The following SYNDIG1 variants were observed in gnomAD, a reference collection of about 807,000 sequenced individuals.
SYNDIG1 encodes the protein synapse differentiation-inducing gene protein 1.
In SYNDIG1, 9 loss-of-function variants were observed where a neutral mutation model predicts 19.4. The observed-to-expected ratio is 0.46, with a 90% confidence interval of 0.28 to 0.81. The LOEUF is 0.81. Ranked by LOEUF, SYNDIG1 falls within the 30% of genes least tolerant of loss-of-function variation. The pLI, the probability that SYNDIG1 is intolerant of heterozygous loss-of-function variation, is 0.12. For missense variants in SYNDIG1, 311 were observed against 343.3 expected, an observed-to-expected ratio of 0.91 and a Z score of 0.74; for synonymous variants, 141 against 145.9, an observed-to-expected ratio of 0.97 and a Z score of 0.24.
chr20:24,586,964 G>A (rs2058427886), intron 3 of SYNDIG1, among the ~76,000 whole-genome samples: 1 of 152,214 alleles, frequency 6.6e-6, no homozygotes, highest in African/African-American at 2.4e-5. Context: ...GGCTACAACT[G>A]CAGAGACTGT....
chr20:24,646,626 A>ATT (rs780443485), intron 3 of SYNDIG1, among the ~76,000 whole-genome samples: 5 of 145,992 alleles, frequency 3.4e-5, no homozygotes, highest in East Asian at 2.0e-4. Context: ...GATGCTCAGT[A>ATT]TTTTTTTTTT....
chr20:24,654,382 G>A (rs1217079109), intron 3 of SYNDIG1, among the ~76,000 whole-genome samples: 1 of 151,992 alleles, frequency 6.6e-6, no homozygotes, highest in Non-Finnish European at 1.5e-5. Flanking sequence ...AGAGAGATAA[G>A]GAATGAAATC....
chr20:24,538,278 C>T (rs529417484), intron 1 of SYNDIG1, among the ~76,000 whole-genome samples: 66 of 152,162 alleles, frequency 4.3e-4, no homozygotes, highest in Non-Finnish European at 7.5e-4. Flanking sequence ...ACTCCCATCC[C>T]CTGGAAACCA....
chr20:24,533,208 T>C (rs1299757096), intron 1 of SYNDIG1, among the ~76,000 whole-genome samples: 1 of 152,054 alleles, frequency 6.6e-6, no homozygotes, highest in Non-Finnish European at 1.5e-5. Context: ...GAATTAACTG[T>C]CCTGGCCTTT....
At chr20:24,665,240 C>A in intron 3 of SYNDIG1, 106 bp from the exon 4 acceptor site, 1 of 1,369,598 alleles carries the variant, frequency 7.3e-7, no homozygotes, top group Non-Finnish European at 1.0e-6. Context: ...GCCTTCTCTG[C>A]ATCAACAATG....
At chr20:24,538,489 G>T (rs1397853998) in intron 1 of SYNDIG1, among the ~76,000 whole-genome samples, 1 of 151,576 alleles carries the variant, frequency 6.6e-6, no homozygotes, top group East Asian at 1.9e-4. Context: ...AGCACATTTT[G>T]CTTATCCATT....
At chr20:24,556,721 C>T in intron 2 of SYNDIG1, among the ~76,000 whole-genome samples, 1 of 152,216 alleles carries the variant, frequency 6.6e-6, no homozygotes, top group Non-Finnish European at 1.5e-5. Flanking sequence ...CGACGTTTCT[C>T]TCTAGCTGCC....
chr20:24,524,603 G>A (rs1198699675), intron 1 of SYNDIG1, among the ~76,000 whole-genome samples: 1 of 150,830 alleles, frequency 6.6e-6, no homozygotes, highest in Non-Finnish European at 1.5e-5. Flanking sequence ...CTGAGATCGC[G>A]CCACTGCACT....
At chr20:24,596,644 G>T (rs1374361602) in intron 3 of SYNDIG1, among the ~76,000 whole-genome samples, 2 of 152,146 alleles carry the variant, frequency 1.3e-5, no homozygotes, top group Non-Finnish European at 2.9e-5. Flanking sequence ...CTCCCAAACT[G>T]CTGGAATTAC....
At chr20:24,561,141 C>CCAGTAGCT (rs2057937398) in intron 2 of SYNDIG1, among the ~76,000 whole-genome samples, 1 of 152,042 alleles carries the variant, frequency 6.6e-6, no homozygotes, top group Admixed American at 6.5e-5. Context: ...TCTCTGTCTG[C>CCAGTAGCT]CAGTAGCTCC....
chr20:24,634,250 A>G (rs1293972116), intron 3 of SYNDIG1, among the ~76,000 whole-genome samples: 2 of 152,252 alleles, frequency 1.3e-5, no homozygotes, highest in African/African-American at 2.4e-5. Context: ...TACTTCTGGT[A>G]TCTGCATATA....
intron 1 of SYNDIG1, among the ~76,000 whole-genome samples, chr20:24,523,601 A>T (rs1453146688): frequency 6.6e-6 from 1 of 152,220 alleles, no homozygotes; most frequent in African/African-American, 2.4e-5. Context: ...AGGAAAATAT[A>T]GTGTCCAGGT....
intron 1 of SYNDIG1, among the ~76,000 whole-genome samples, chr20:24,480,117 A>C (rs1017302133): frequency 6.6e-6 from 1 of 151,702 alleles, no homozygotes; most frequent in Admixed American, 6.6e-5. Flanking sequence ...CTTGATCATC[A>C]CCTCTTCCCA....
intron 1 of SYNDIG1, among the ~76,000 whole-genome samples, chr20:24,489,205 CAGAT>C (rs573867408): frequency 1.2e-3 from 176 of 152,276 alleles, no homozygotes; most frequent in South Asian, 3.5e-3. Flanking sequence ...CACATGGACA[CAGAT>C]AGATGCATGC....
chr20:24,560,127 G>A (rs1568642110), intron 2 of SYNDIG1, among the ~76,000 whole-genome samples: 2 of 127,424 alleles, frequency 1.6e-5, no homozygotes, highest in Non-Finnish European at 3.1e-5. Flanking sequence ...GGAGTGCAGT[G>A]GCGCGATCTC....
chr20:24,628,151 C>T (rs1428390987), intron 3 of SYNDIG1, among the ~76,000 whole-genome samples: 1 of 152,192 alleles, frequency 6.6e-6, no homozygotes, highest in Non-Finnish European at 1.5e-5. Context: ...CCCCCTACTT[C>T]CTTTTGTAAA....
At chr20:24,549,420 T>C (rs555575528) in intron 2 of SYNDIG1, among the ~76,000 whole-genome samples, 1 of 152,306 alleles carries the variant, frequency 6.6e-6, no homozygotes, top group East Asian at 1.9e-4. Flanking sequence ...CTGAATAGTA[T>C]CCTGTGGTGT....
intron 3 of SYNDIG1, among the ~76,000 whole-genome samples, chr20:24,659,280 A>G (rs6076248): frequency 0.14 from 21,700 of 152,134 alleles, 2,674 homozygotes; most frequent in African/African-American, 0.33. Flanking sequence ...ACTACCGGCC[A>G]TGATTTGGGG....
chr20:24,627,285 C>T (rs184624167), intron 3 of SYNDIG1, among the ~76,000 whole-genome samples: 1 of 152,292 alleles, frequency 6.6e-6, no homozygotes, highest in Non-Finnish European at 1.5e-5. Flanking sequence ...CTTGAAAATA[C>T]AAATGACAAA....
Sources: allele counts gnomAD v4.1 joint callset (sites outside exome capture counted in the v4.1 genomes callset), GRCh38; gene constraint gnomAD v4.1.1; transcripts MANE v1.5; gene names NCBI Gene and HGNC (gene_info 2026-07-23, HGNC 2026-07-21).